Variants in GLI3 observed in about 807,000 individuals in gnomAD.
GLI3 encodes the protein transcription activator GLI3.
Under a neutral mutation model 100.8 loss-of-function variants are expected in GLI3, and 20 were observed. That is an observed-to-expected ratio of 0.20 (90% confidence interval 0.14 to 0.29). The LOEUF (loss-of-function observed/expected upper bound fraction) is 0.29. Ranked by LOEUF, GLI3 falls within the 10% of genes least tolerant of loss-of-function variation. The pLI is 1.00. For synonymous variants in GLI3, 938 were observed against 860.5 expected, an observed-to-expected ratio of 1.09 and a Z score of -1.58; for missense variants, 2,040 against 2,128.5, an observed-to-expected ratio of 0.96 and a Z score of 0.82.
At chr7:42,101,668 TTTTATTTA>T (rs3057240) in intron 3 of GLI3, among the ~76,000 whole-genome samples, 1 of 147,988 alleles carries the variant, frequency 6.8e-6, no homozygotes, top group South Asian at 2.1e-4. Context: ...GCTAGTATCT[TTTTATTTA>T]TTTATTTATT....
At chr7:42,107,975 T>C (rs997307473) in intron 3 of GLI3, among the ~76,000 whole-genome samples, 2 of 152,092 alleles carry the variant, frequency 1.3e-5, no homozygotes, top group African/African-American at 2.4e-5. Context: ...TCCAAAGGGG[T>C]TTTATGTGCC....
rs138769098 is a variant in GLI3, at chr7:42,180,044, C to A, written c.125-31576G>T. Reference sequence around the variant, plus strand: ...ATTCATAAAACTGGCTGCGAGCTCCCAAGGAATAAGTACAGAGGGAGAAGA... The same window carrying A: ...ATTCATAAAACTGGCTGCGAGCTCCAAAGGAATAAGTACAGAGGGAGAAGA... On this transcript the variant is annotated intron_variant, in intron 2 of 14. Transcript: ENST00000395925. 1.3e-3 allele frequency among the ~76,000 whole-genome samples: 204 copies of A among 152,124 alleles called. 4 individuals carry two copies. In the East Asian group the frequency reaches 0.026, roughly 19 times the overall value.
chr7:42,161,629 T>G (rs1264478979), intron 2 of GLI3, among the ~76,000 whole-genome samples: 2 of 152,142 alleles, frequency 1.3e-5, no homozygotes, highest in African/African-American at 2.4e-5. Context: ...ATGACGGAAA[T>G]AGGCTTAGAG....
intron 2 of GLI3, among the ~76,000 whole-genome samples, chr7:42,217,477 A>G (rs1583655741): frequency 6.6e-6 from 1 of 152,358 alleles, no homozygotes; most frequent in South Asian, 2.1e-4. Flanking sequence ...ATACAGCACA[A>G]ACCACCAGTT....
intron 2 of GLI3, among the ~76,000 whole-genome samples, chr7:42,157,548 A>G (rs1340804137): frequency 1.3e-5 from 2 of 152,232 alleles, no homozygotes; most frequent in African/African-American, 2.4e-5. Flanking sequence ...TTTTTGGACG[A>G]AAGGAAGTGG....
intron 1 of GLI3, among the ~76,000 whole-genome samples, chr7:42,224,679 C>A (rs898794303): frequency 2.6e-5 from 4 of 152,162 alleles, no homozygotes; most frequent in Non-Finnish European, 4.4e-5. Context: ...TCAGAGACAC[C>A]CCTCAAAGGG....
chr7:42,001,419 T>G (rs1788294227), intron 10 of GLI3, among the ~76,000 whole-genome samples: 1 of 152,130 alleles, frequency 6.6e-6, no homozygotes, highest in South Asian at 2.1e-4. Flanking sequence ...CAAGACATAG[T>G]GGCATAAGAA....
intron 2 of GLI3, among the ~76,000 whole-genome samples, chr7:42,198,805 ACAG>A (rs1377720248): frequency 6.6e-6 from 1 of 152,122 alleles, no homozygotes; most frequent in Non-Finnish European, 1.5e-5. Flanking sequence ...GGCGGCACAC[ACAG>A]ATTAACTCTC....
intron 1 of GLI3, among the ~76,000 whole-genome samples, chr7:42,224,222 A>G (rs1056686624): frequency 6.6e-5 from 10 of 152,232 alleles, no homozygotes; most frequent in Non-Finnish European, 1.3e-4. Flanking sequence ...TCTTCAAGTT[A>G]TCTAGATTGC....
At chr7:42,021,377 A>G (rs1788937808) in intron 10 of GLI3, among the ~76,000 whole-genome samples, 1 of 152,206 alleles carries the variant, frequency 6.6e-6, no homozygotes, top group Non-Finnish European at 1.5e-5. Flanking sequence ...TTTAAAGACC[A>G]TTTCGATAAA....
intron 4 of GLI3, among the ~76,000 whole-genome samples, chr7:42,058,132 A>C (rs981099389): frequency 1.3e-5 from 2 of 152,190 alleles, no homozygotes; most frequent in African/African-American, 4.8e-5. Context: ...AAATTAACTA[A>C]AAAAAGAAGA....
At chr7:42,139,045 C>T (rs1338823781) in intron 3 of GLI3, among the ~76,000 whole-genome samples, 2 of 152,232 alleles carry the variant, frequency 1.3e-5, no homozygotes, top group Non-Finnish European at 2.9e-5. Context: ...TACTAAATTT[C>T]CCAGCTGAAT....
chr7:42,177,657 A>C (rs941478200), intron 2 of GLI3, among the ~76,000 whole-genome samples: 1 of 152,212 alleles, frequency 6.6e-6, no homozygotes, highest in Admixed American at 6.5e-5. Flanking sequence ...CAGCTTATTC[A>C]AAGGTTATGG....
At chr7:42,190,119 G>T (rs1787797119) in intron 2 of GLI3, among the ~76,000 whole-genome samples, 1 of 144,734 alleles carries the variant, frequency 6.9e-6, no homozygotes, top group African/African-American at 2.6e-5. Context: ...AAAGTCAGCG[G>T]CATGAATATC....
chr7:42,148,079 T>A, intron 3 of GLI3, 147 bp downstream of exon 3: 1 of 796,022 alleles, frequency 1.3e-6, no homozygotes, highest in South Asian at 2.2e-5. Context: ...AGAAGGAAAG[T>A]GGAAAGAAAA....
chr7:42,259,953 A>G (rs1317597007), intron 1 of GLI3, among the ~76,000 whole-genome samples: 1 of 152,226 alleles, frequency 6.6e-6, no homozygotes, highest in Non-Finnish European at 1.5e-5. Context: ...ATAGCATTGT[A>G]TGCATCTGCT....
intron 3 of GLI3, among the ~76,000 whole-genome samples, chr7:42,082,518 G>A (rs1785017697): frequency 6.6e-6 from 1 of 152,096 alleles, no homozygotes; most frequent in African/African-American, 2.4e-5. Flanking sequence ...ACCGTGAGCG[G>A]AATCTAAGAA....
intron 2 of GLI3, among the ~76,000 whole-genome samples, chr7:42,195,981 T>C (rs933117759): frequency 6.6e-6 from 1 of 152,218 alleles, no homozygotes; most frequent in East Asian, 1.9e-4. Context: ...TACATGACTT[T>C]GTTGCCAAGT....
At chr7:42,223,017 T>C (rs1050243850) in intron 2 of GLI3, 113 bp downstream of exon 2, 1 of 1,331,768 alleles carries the variant, frequency 7.5e-7, no homozygotes, top group South Asian at 1.2e-5. Flanking sequence ...TTGCTTTCTT[T>C]AGCGTCTCCT....
Sources: gnomAD v4.1 joint callset for allele counts (sites outside exome capture counted in the v4.1 genomes callset) on GRCh38, gnomAD v4.1.1 for gene constraint, MANE v1.5 for transcripts, NCBI Gene and HGNC (gene_info 2026-07-23, HGNC 2026-07-21) for gene names.